Variants in ERG observed in about 807,000 individuals in gnomAD.
The protein encoded by ERG is transcriptional regulator ERG.
ERG carries 9 observed loss-of-function variants against 55.3 expected under a neutral mutation model. The ratio of observed to expected loss-of-function variants is 0.16; its 90% CI spans 0.10 to 0.28. The LOEUF (loss-of-function observed/expected upper bound fraction) is 0.28, where lower values mean the gene tolerates loss of function less well. Ranked by LOEUF, ERG falls within the 10% of genes least tolerant of loss-of-function variation. The pLI, the probability that ERG is intolerant of heterozygous loss-of-function variation, is 1.00. For missense variants in ERG, 434 were observed against 631.6 expected, an observed-to-expected ratio of 0.69 and a Z score of 3.35; for synonymous variants, 223 against 237.3, an observed-to-expected ratio of 0.94 and a Z score of 0.55.
At position 38,573,545 on chromosome 21, in the gene ERG, C is replaced by A. The variant is rs190839434; in HGVS notation, c.-41+2117G>T. ...AGATGTTTGGGTGGAGAGAAACATA[C>A]ATCTGGCCTATGTGCACATCCAGGC... On this transcript the variant is annotated intron_variant, in intron 2 of 8. Coordinates refer to the ERG transcript ENST00000398897. Among the ~76,000 whole-genome samples the A allele has an allele frequency of 1.7e-3, 254 of 152,246 alleles. 1 individual carries two copies. Among genetic ancestry groups the A allele is most frequent in the Middle Eastern group, 3.4e-3 (1 of 294 alleles).
intron 1 of ERG, among the ~76,000 whole-genome samples, chr21:38,466,506 A>T (rs1393764367): frequency 6.6e-6 from 1 of 152,190 alleles, no homozygotes. Flanking sequence ...ATTCCTACAC[A>T]GTGTACTAAG....
chr21:38,511,630 A>T (rs936836539), intron 2 of ERG, among the ~76,000 whole-genome samples: 1 of 152,244 alleles, frequency 6.6e-6, no homozygotes, highest in Non-Finnish European at 1.5e-5. Context: ...CTAATCAATC[A>T]ATTTTAAGAT....
At chr21:38,585,532 CTTTTTTTTTT>C (rs760791568), upstream of ERG, among the ~76,000 whole-genome samples, 20 of 59,282 alleles carry the variant, frequency 3.4e-4, no homozygotes, top group Admixed American at 8.7e-4. Context: ...TCTCTCTCTT[CTTTTTTTTTT>C]TTTTTTTTTT....
At chr21:38,386,997 G>A (rs1245755790) in intron 9 of ERG, among the ~76,000 whole-genome samples, 1 of 151,948 alleles carries the variant, frequency 6.6e-6, no homozygotes, top group Non-Finnish European at 1.5e-5. Context: ...TTTTACAGAG[G>A]AAAGTAATCT....
intron 1 of ERG, among the ~76,000 whole-genome samples, chr21:38,657,112 G>T (rs1382501216): frequency 1.6e-5 from 1 of 63,258 alleles, no homozygotes; most frequent in African/African-American, 1.0e-4. Flanking sequence ...TATTTCTCTG[G>T]GATAATAACA....
At chr21:38,504,018 G>A (rs1290777931) in intron 2 of ERG, among the ~76,000 whole-genome samples, 1 of 152,108 alleles carries the variant, frequency 6.6e-6, no homozygotes, top group Non-Finnish European at 1.5e-5. Flanking sequence ...GTGTGTGAGT[G>A]TGTGTATGAG....
intron 2 of ERG, among the ~76,000 whole-genome samples, chr21:38,533,513 T>A (rs1363692823): frequency 1.3e-5 from 2 of 152,180 alleles, no homozygotes; most frequent in African/African-American, 2.4e-5. Context: ...TAATATTTTT[T>A]AAAAGGCATT....
chr21:38,490,727 G>A (rs1447975758), intron 1 of ERG, among the ~76,000 whole-genome samples: 1 of 152,262 alleles, frequency 6.6e-6, no homozygotes, highest in Non-Finnish European at 1.5e-5. Context: ...AGGGCCAGGA[G>A]AGGTGCGTTC....
chr21:38,417,914 A>C (rs1989353864), intron 3 of ERG, among the ~76,000 whole-genome samples: 1 of 152,232 alleles, frequency 6.6e-6, no homozygotes, highest in Non-Finnish European at 1.5e-5. Flanking sequence ...ACTTTTAAGA[A>C]GTGAATGGAG....
At chr21:38,417,373 C>T (rs1042785987) in intron 3 of ERG, among the ~76,000 whole-genome samples, 32 of 152,190 alleles carry the variant, frequency 2.1e-4, no homozygotes, top group Non-Finnish European at 1.0e-4. Flanking sequence ...AAGAATGTGG[C>T]TACTCTTATC....
chr21:38,570,691 CAAGT>C (rs2059952238), intron 2 of ERG, among the ~76,000 whole-genome samples: 2 of 152,146 alleles, frequency 1.3e-5, no homozygotes, highest in South Asian at 4.1e-4. Flanking sequence ...ACAAAATCAC[CAAGT>C]TAGTAAACAT....
chr21:38,600,178 C>T (rs1478225050), intron 1 of ERG, among the ~76,000 whole-genome samples: 1 of 152,214 alleles, frequency 6.6e-6, no homozygotes, highest in Non-Finnish European at 1.5e-5. Context: ...CCGCAATCCC[C>T]ACCCAACCCC....
chr21:38,537,678 C>T (rs1268659680), intron 2 of ERG, among the ~76,000 whole-genome samples: 2 of 152,102 alleles, frequency 1.3e-5, no homozygotes, highest in Non-Finnish European at 2.9e-5. Context: ...ATTACAAGTG[C>T]TGGTGGAGAT....
chr21:38,529,621 A>T (rs775881326), intron 2 of ERG, among the ~76,000 whole-genome samples: 11 of 152,206 alleles, frequency 7.2e-5, no homozygotes, highest in Non-Finnish European at 1.0e-4. Context: ...GTATCAAATT[A>T]GAATAAAATA....
chr21:38,546,079 G>C (rs1275988794), intron 2 of ERG, among the ~76,000 whole-genome samples: 2 of 152,100 alleles, frequency 1.3e-5, no homozygotes, highest in African/African-American at 4.8e-5. Flanking sequence ...GACCCAGTCA[G>C]CTGTTTAGGT....
At chr21:38,505,062 G>A (rs967178480) in intron 2 of ERG, among the ~76,000 whole-genome samples, 4 of 152,060 alleles carry the variant, frequency 2.6e-5, no homozygotes, top group Admixed American at 6.6e-5. Context: ...TTTAGTTTTC[G>A]GTTGAGGTGG....
At chr21:38,530,013 C>A (rs1434247551) in intron 2 of ERG, among the ~76,000 whole-genome samples, 1 of 152,120 alleles carries the variant, frequency 6.6e-6, no homozygotes, top group Non-Finnish European at 1.5e-5. Context: ...ATTGAGGAAA[C>A]TGGGGACTTG....
At chr21:38,511,392 T>C (rs2059510453) in intron 2 of ERG, among the ~76,000 whole-genome samples, 1 of 152,210 alleles carries the variant, frequency 6.6e-6, no homozygotes, top group African/African-American at 2.4e-5. Context: ...CATTGATTGA[T>C]GTTTAATACC....
intron 9 of ERG, among the ~76,000 whole-genome samples, chr21:38,385,475 C>T (rs1385032435): frequency 1.3e-5 from 2 of 152,196 alleles, no homozygotes; most frequent in East Asian, 1.9e-4. Flanking sequence ...TCTAAATCCT[C>T]GCTAGCCTCC....
Sources: gnomAD v4.1 joint callset for allele counts (sites outside exome capture counted in the v4.1 genomes callset) on GRCh38, gnomAD v4.1.1 for gene constraint, MANE v1.5 for transcripts, NCBI Gene and HGNC (gene_info 2026-07-23, HGNC 2026-07-21) for gene names.